PIBF1: variants seen among roughly 807,000 people sequenced by gnomAD.
The protein encoded by PIBF1 is progesterone immunomodulatory binding factor 1.
A neutral mutation model predicts 112.5 loss-of-function variants in PIBF1; 90 were observed. The ratio of observed to expected loss-of-function variants is 0.80; its 90% CI spans 0.67 to 0.95. PIBF1 has a LOEUF of 0.95. Among genes scored for constraint, PIBF1 ranks in the 40% least tolerant of loss-of-function variants. PIBF1 has a pLI of 0.00. For missense variants in PIBF1, 915 were observed against 852.3 expected (o/e 1.07, Z -0.92); for synonymous variants, 301 against 288.6 (o/e 1.04, Z -0.44).
In PIBF1 at chr13:72,893,882, A is replaced by G; in HGVS notation, c.1421A>G (p.Gln474Arg). ...GAAAGTGAGCGTGTTCAACTTCTGC[A>G]AGAGGAAACAGCAAGAAATCTCACA... ...SFESERVQLL[Q>R]EETARNLTQC... The change falls in exon 11 of 18, where the codon CAA becomes CGA. Residue 474 changes from glutamine (Q) to arginine (R), a missense_variant. Transcript: ENST00000326291. The G allele has an allele frequency of 6.2e-7, 1 of 1,608,426 alleles. No homozygotes were observed. Among genetic ancestry groups the G allele is most frequent in the Non-Finnish European group, 8.5e-7 (1 of 1,177,234 alleles).
rs535570457 is a variant in PIBF1 at position 72,986,161 on chromosome 13, A to AAAAAC, written c.2049+12496_2049+12500dup. Among the ~76,000 whole-genome samples the AAAAAC allele has an allele frequency of 2.0e-5, 3 of 152,096 alleles. No homozygotes were observed. In the South Asian group the frequency reaches 6.2e-4, roughly 32 times the overall value. On this transcript the variant is annotated intron_variant, in intron 16 of 17. Transcript: ENST00000326291. ...CTGGGCAAGAGTGAGACCCTATCTC[A>AAAAAC]AAAACAAAACAAAAAAGAAGGAAAA...
At chr13:72,819,618 G>GT (rs2036449194) in intron 5 of PIBF1, among the ~76,000 whole-genome samples, 1 of 151,916 alleles carries the variant, frequency 6.6e-6, no homozygotes, top group African/African-American at 2.4e-5. Context: ...CCAAGCCTCA[G>GT]TTTTTTTCAT....
intron 5 of PIBF1, among the ~76,000 whole-genome samples, chr13:72,800,382 A>G (rs1184602765): frequency 6.6e-6 from 1 of 152,232 alleles, no homozygotes; most frequent in Non-Finnish European, 1.5e-5. Context: ...ATATTCAAAT[A>G]AATGTCACAT....
chr13:72,865,106 A>G (rs1348496132), intron 10 of PIBF1, among the ~76,000 whole-genome samples: 1 of 152,208 alleles, frequency 6.6e-6, no homozygotes. Flanking sequence ...CCCTGTTAAC[A>G]TTATCTTAAA....
chr13:72,911,826 C>T (rs1044654871), intron 12 of PIBF1, among the ~76,000 whole-genome samples: 1 of 152,020 alleles, frequency 6.6e-6, no homozygotes, highest in Admixed American at 6.6e-5. Context: ...TGAAAAACAT[C>T]CTTCTAGAGA....
At chr13:72,837,279 A>G (rs2037405378) in intron 9 of PIBF1, among the ~76,000 whole-genome samples, 1 of 152,050 alleles carries the variant, frequency 6.6e-6, no homozygotes, top group Non-Finnish European at 1.5e-5. Context: ...ATTTGTTTAC[A>G]CTTAGTTTAT....
At chr13:72,810,571 G>T (rs909012982) in intron 5 of PIBF1, among the ~76,000 whole-genome samples, 3 of 152,128 alleles carry the variant, frequency 2.0e-5, no homozygotes, top group African/African-American at 4.8e-5. Flanking sequence ...TTTCATTGAT[G>T]AAACATATTT....
Position 72,987,846 on chromosome 13 carries a change from A to T in PIBF1, c.2050-10976A>T, listed in dbSNP as rs12877549. ...TTTTTTTATTTTTTGTAATTTATTT[A>T]TTTATTTATTTATTTTTTTTTTTTT... On this transcript the variant is annotated intron_variant, in intron 16 of 17. Transcript: ENST00000326291. 2.7e-3 allele frequency among the ~76,000 whole-genome samples: 183 copies of T among 66,640 alleles called. 2 individuals carry two copies. The highest frequency in any genetic ancestry group is 0.017 in the Middle Eastern group (2 of 118). 43.7% of individuals were successfully genotyped at this position (66,640 alleles called of 152,430 possible). A position where few individuals can be genotyped will look rare whatever the true frequency, so the allele number is the denominator to read the frequency against.
At chr13:72,852,110 G>A (rs1359264968) in intron 9 of PIBF1, among the ~76,000 whole-genome samples, 1 of 152,160 alleles carries the variant, frequency 6.6e-6, no homozygotes, top group Non-Finnish European at 1.5e-5. Context: ...CCTGCTTAAT[G>A]GTGGGACTGA....
intron 5 of PIBF1, among the ~76,000 whole-genome samples, chr13:72,808,727 T>C (rs1487662252): frequency 2.6e-5 from 4 of 152,154 alleles, no homozygotes; most frequent in Non-Finnish European, 2.9e-5. Flanking sequence ...TGAAATTTCC[T>C]CCTCATTTAG....
At chr13:72,929,016 ATTG>A (rs1247670076) in intron 13 of PIBF1, among the ~76,000 whole-genome samples, 1 of 152,136 alleles carries the variant, frequency 6.6e-6, no homozygotes, top group Non-Finnish European at 1.5e-5. Flanking sequence ...GATTGTGTTT[ATTG>A]TTCTATACTG....
In PIBF1 at chr13:73,015,983, A is replaced by G; in HGVS notation, c.*64A>G. On this transcript the variant is annotated 3_prime_UTR_variant, in exon 18 of 18. Coordinates refer to ENST00000326291, the MANE Select transcript of PIBF1 (RefSeq NM_006346.4). ...CCTGAAGTTCTTTTTCTGATGGAAA[A>G]CAAAATTCAGCTTAATCGTGTACTC... is the stretch of plus-strand genomic sequence containing the variant. The G allele has an allele frequency of 1.0e-6, 1 of 957,930 alleles. No individual in the cohort carries two copies. Among genetic ancestry groups the G allele is most frequent in the Middle Eastern group, 2.3e-4 (1 of 4,392 alleles). 59.3% of individuals were successfully genotyped at this position (957,930 alleles called of 1,614,324 possible).
At chr13:72,944,773 GT>G (rs1309621858) in intron 14 of PIBF1, among the ~76,000 whole-genome samples, 3 of 151,904 alleles carry the variant, frequency 2.0e-5, no homozygotes, top group Non-Finnish European at 4.4e-5. Flanking sequence ...TTTTTTGTTG[GT>G]TGGTTTTTTT....
chr13:72,810,070 A>T (rs1479585077), intron 5 of PIBF1, among the ~76,000 whole-genome samples: 1 of 152,194 alleles, frequency 6.6e-6, no homozygotes, highest in African/African-American at 2.4e-5. Flanking sequence ...GAGTTTATTT[A>T]AAAGTGTCAG....
intron 9 of PIBF1, among the ~76,000 whole-genome samples, chr13:72,846,958 T>C (rs974133474): frequency 6.6e-6 from 1 of 152,156 alleles, no homozygotes; most frequent in African/African-American, 2.4e-5. Flanking sequence ...TTTTTAGAAA[T>C]TAGGTGGCTG....
chr13:72,874,069 A>G (rs980595214), intron 10 of PIBF1, among the ~76,000 whole-genome samples: 2 of 152,220 alleles, frequency 1.3e-5, no homozygotes, highest in Non-Finnish European at 2.9e-5. Context: ...TAGAATGGCT[A>G]GATTTTAAAA....
chr13:72,901,003 C>G (rs774113501), intron 11 of PIBF1: 1 of 403,890 alleles, frequency 2.5e-6, no homozygotes, highest in African/African-American at 2.1e-5. Context: ...CCCTGGGCAA[C>G]CAGAGCAAAA....
intron 5 of PIBF1, among the ~76,000 whole-genome samples, chr13:72,815,411 T>C (rs1214562490): frequency 2.0e-5 from 3 of 152,138 alleles, no homozygotes; most frequent in Admixed American, 6.5e-5. Context: ...TGAAATATGT[T>C]CCCCCACCGT....
chr13:72,856,665 G>A (rs937663952), intron 10 of PIBF1, among the ~76,000 whole-genome samples: 2 of 152,264 alleles, frequency 1.3e-5, no homozygotes, highest in East Asian at 3.9e-4. Context: ...GCTTAAAATA[G>A]CTAAAGTTAC....
Sources: allele counts gnomAD v4.1 joint callset (sites outside exome capture counted in the v4.1 genomes callset), GRCh38; gene constraint gnomAD v4.1.1; transcripts MANE v1.5; gene names NCBI Gene and HGNC (gene_info 2026-07-23, HGNC 2026-07-21).